Variants in FAM169A observed in about 807,000 individuals in gnomAD.
The protein encoded by FAM169A is family with sequence similarity 169 member A.
A neutral mutation model predicts 75.7 loss-of-function variants in FAM169A; 24 were observed. The observed-to-expected ratio is 0.32, with a 90% CI of 0.23 to 0.45. FAM169A has a LOEUF of 0.45. Ranked by LOEUF, FAM169A falls within the 20% of genes least tolerant of loss-of-function variation. The pLI, the probability that FAM169A is intolerant of heterozygous loss-of-function variation, is 1.00. For synonymous variants in FAM169A, 271 were observed against 271.0 expected (o/e 1.00, Z 0.00); for missense variants, 673 against 784.0 (o/e 0.86, Z 1.69).
chr5:74,799,852 A>T (rs1481153459), intron 10 of FAM169A: 15 of 1,017,912 alleles, frequency 1.5e-5, no homozygotes, highest in Non-Finnish European at 2.0e-5. Context: ...TCCAAGTTAG[A>T]CATTCCAAAA....
intron 5 of FAM169A, among the ~76,000 whole-genome samples, chr5:74,817,676 C>A (rs1203738524): frequency 6.6e-6 from 1 of 152,082 alleles, no homozygotes. Context: ...CCCAAACACA[C>A]AGGAAAATAA....
chr5:74,834,966 A>G (rs1748493438), intron 4 of FAM169A, among the ~76,000 whole-genome samples: 1 of 151,360 alleles, frequency 6.6e-6, no homozygotes, highest in Admixed American at 6.6e-5. Flanking sequence ...TCACTATAGT[A>G]AACTACTTCA....
rs536026855 is a variant in FAM169A, at chr5:74,843,854, C to T, written c.-3-2175G>A. 5.3e-5 allele frequency among the ~76,000 whole-genome samples: 8 copies of T among 152,280 alleles called. No individual in the cohort carries two copies. The East Asian group carries it at 9.6e-4, about 18-fold the overall frequency. On this transcript the variant is annotated intron_variant, in intron 1 of 12. Coordinates refer to ENST00000687041, the MANE Select transcript of FAM169A (RefSeq NM_001376049.1). ...CTGCATGAGCTTTCTGGTAGACTTA[C>T]GTGGTCATGGTTGTTAGGTCTATAT... is the stretch of plus-strand genomic sequence containing the variant.
chr5:74,808,513 G>A, intron 6 of FAM169A, among the ~76,000 whole-genome samples: 1 of 152,162 alleles, frequency 6.6e-6, no homozygotes, highest in East Asian at 1.9e-4. Context: ...TTAATGGGGA[G>A]AAAGTTGATG....
At chr5:74,836,943 CAAAA>C (rs34901874) in intron 4 of FAM169A, among the ~76,000 whole-genome samples, 7 of 133,050 alleles carry the variant, frequency 5.3e-5, no homozygotes, top group Admixed American at 7.5e-5. Flanking sequence ...AAGCCTGTGT[CAAAA>C]AAAAAAAAAA....
At chr5:74,813,282 C>T (rs976949083) in intron 6 of FAM169A, among the ~76,000 whole-genome samples, 1 of 151,874 alleles carries the variant, frequency 6.6e-6, no homozygotes, top group African/African-American at 2.4e-5. Flanking sequence ...CTGAATTGTA[C>T]ACTTTTAACA....
At chr5:74,858,655 T>C (rs1021276285) in intron 1 of FAM169A, among the ~76,000 whole-genome samples, 2 of 152,114 alleles carry the variant, frequency 1.3e-5, no homozygotes, top group African/African-American at 4.8e-5. Context: ...CCTCAGTGAC[T>C]AAATCATTTG....
chr5:74,858,799 T>G (rs1228625420), intron 1 of FAM169A, among the ~76,000 whole-genome samples: 1 of 152,190 alleles, frequency 6.6e-6, no homozygotes, highest in Admixed American at 6.5e-5. Context: ...TTAGCTATAT[T>G]TTCCACTCAT....
At chr5:74,862,759 T>C (rs1750103184) in intron 1 of FAM169A, among the ~76,000 whole-genome samples, 3 of 152,346 alleles carry the variant, frequency 2.0e-5, no homozygotes, top group South Asian at 4.1e-4. Flanking sequence ...AACATGCAAC[T>C]TGGCGCTTTT....
intron 6 of FAM169A, among the ~76,000 whole-genome samples, chr5:74,810,996 T>C (rs1315993212): frequency 2.1e-5 from 3 of 141,908 alleles, no homozygotes; most frequent in East Asian, 4.1e-4. Context: ...TTTTTTTTTT[T>C]CCTTCAGACA....
chr5:74,825,833 C>A (rs773932747), intron 5 of FAM169A, among the ~76,000 whole-genome samples: 2 of 152,210 alleles, frequency 1.3e-5, no homozygotes, highest in South Asian at 2.1e-4. Flanking sequence ...CTTTCAAAAT[C>A]TTTTCTCTAT....
In FAM169A at chr5:74,778,005, G is replaced by A. The variant is rs878874778; in HGVS notation, c.*3455C>T. On this transcript the variant is annotated 3_prime_UTR_variant, in exon 13 of 13. Transcript: ENST00000687041. Reference sequence around the variant, plus strand: ...CCTTTCTTACAATTAGATTTTAGCAGATAATTTTACCACTAATATAAATGG... The same window carrying A: ...CCTTTCTTACAATTAGATTTTAGCAAATAATTTTACCACTAATATAAATGG... 1.3e-5 allele frequency: 2 copies of A among 152,034 alleles called. No homozygotes were observed. Among genetic ancestry groups the A allele is most frequent in the Admixed American group, 1.3e-4 (2 of 15,260 alleles). 9.4% of individuals were successfully genotyped at this position (152,034 alleles called of 1,614,324 possible).
chr5:74,783,782 A>G (rs1009019839), intron 11 of FAM169A, among the ~76,000 whole-genome samples: 1 of 152,172 alleles, frequency 6.6e-6, no homozygotes, highest in Non-Finnish European at 1.5e-5. Context: ...ATGTTTATCC[A>G]TTTACTTCTA....
chr5:74,854,475 C>CT (rs1275248195), intron 1 of FAM169A, among the ~76,000 whole-genome samples: 1 of 152,120 alleles, frequency 6.6e-6, no homozygotes, highest in Non-Finnish European at 1.5e-5. Context: ...CCCAATCACA[C>CT]TTTGTTATTT....
Position 74,866,213 on chromosome 5 carries a change from A to G in FAM169A, c.-52T>C. The G allele has an allele frequency of 2.0e-6, 2 of 984,260 alleles. No homozygotes were observed. Among genetic ancestry groups the G allele is most frequent in the African/African-American group, 1.7e-5 (1 of 57,204 alleles). 61.0% of individuals were successfully genotyped at this position (984,260 alleles called of 1,614,324 possible). On this transcript the variant is annotated 5_prime_UTR_variant, in exon 1 of 13. Coordinates refer to ENST00000687041, the MANE Select transcript of FAM169A (RefSeq NM_001376049.1). ...TGGAAGAGCCCGGGAAAGGAGGCGG[A>G]GCCGCGCGAATGAATGGAGCCGGCG...
chr5:74,808,761 G>A (rs933361540), intron 6 of FAM169A, among the ~76,000 whole-genome samples: 1 of 152,138 alleles, frequency 6.6e-6, no homozygotes, highest in South Asian at 2.1e-4. Context: ...TTATCTCTGG[G>A]GAGGAAAGGA....
rs1368305060 is a variant in FAM169A at position 74,800,988 on chromosome 5, T to C, written c.995A>G (p.Asn332Ser). 4 of 1,566,984 alleles carry C rather than the reference T, an allele frequency of 2.6e-6. No individual in the cohort carries two copies. Among genetic ancestry groups the C allele is most frequent in the Non-Finnish European group, 3.5e-6 (4 of 1,156,176 alleles). Residue 332 changes from asparagine (N) to serine (S), a missense_variant, in exon 10 of 13, where the codon AAT becomes AGT. Physicochemically the swap from Asn to Ser is conservative, Grantham distance 46. Around this residue, in one of 3 missense-constraint regions of FAM169A, gnomAD observed 510 missense variants for 550.9 expected, o/e 0.93. Coordinates refer to ENST00000687041, the MANE Select transcript of FAM169A (RefSeq NM_001376049.1). ...CTTTCCAATCTTTGGCCGCTTTAGA[T>C]TACCACTTCGAGTATGAGTGGAAAC... The part of the protein sequence containing the change: ...TSVSTHTRSG[N>S]LKRPKIGKRF...
intron 6 of FAM169A, among the ~76,000 whole-genome samples, chr5:74,807,547 T>C (rs1363751599): frequency 6.6e-6 from 1 of 152,128 alleles, no homozygotes; most frequent in Admixed American, 6.5e-5. Flanking sequence ...AGCCAAACCA[T>C]CATAAGTCAA....
chr5:74,799,882 T>C (rs1374764006), intron 10 of FAM169A: 7 of 991,574 alleles, frequency 7.1e-6, no homozygotes, highest in African/African-American at 1.6e-5. Flanking sequence ...CAACGCAACA[T>C]GTCTGCCATG....
Sources: gnomAD v4.1 joint callset for allele counts (sites outside exome capture counted in the v4.1 genomes callset) on GRCh38, gnomAD v4.1.1 for gene constraint, gnomAD v4.1.1 regional missense constraint, MANE v1.5 for transcripts, NCBI Gene and HGNC (gene_info 2026-07-23, HGNC 2026-07-21) for gene names.